Variants in CALN1 observed in about 807,000 individuals in gnomAD.
CALN1 encodes the protein calcium-binding protein 8.
CALN1 carries 17 observed loss-of-function variants against 30.6 expected under a neutral mutation model. That is an observed-to-expected ratio of 0.56 (90% CI 0.38 to 0.83). The LOEUF is 0.83. Among genes scored for constraint, CALN1 ranks in the 40% least tolerant of loss-of-function variants. The probability of loss-of-function intolerance (pLI) is 0.00; values close to 1 mark genes in which losing one functional copy is unlikely to be tolerated. For synonymous variants in CALN1, 156 were observed against 131.4 expected (o/e 1.19, Z -1.28); for missense variants, 291 against 354.9 (o/e 0.82, Z 1.45).
intron 5 of CALN1, among the ~76,000 whole-genome samples, chr7:71,943,037 C>G (rs1323746939): frequency 6.6e-6 from 1 of 152,174 alleles, no homozygotes; most frequent in Non-Finnish European, 1.5e-5. Flanking sequence ...CAATGTACTT[C>G]TTACATAAAT....
At chr7:72,382,682 T>C (rs1383962465) in intron 2 of CALN1, among the ~76,000 whole-genome samples, 1 of 152,134 alleles carries the variant, frequency 6.6e-6, no homozygotes, top group African/African-American at 2.4e-5. Flanking sequence ...TACCCAATGT[T>C]TAGCTCCCAC....
chr7:72,058,303 C>A (rs531906794), intron 4 of CALN1, among the ~76,000 whole-genome samples: 3 of 129,274 alleles, frequency 2.3e-5, no homozygotes, highest in East Asian at 2.1e-4. Context: ...CTGCAACAAG[C>A]TGGAATCTTT....
chr7:72,455,200 G>A, the CALN1 span, among the ~76,000 whole-genome samples: 1 of 151,952 alleles, frequency 6.6e-6, no homozygotes, highest in African/African-American at 2.4e-5. Context: ...TACTCTGGAG[G>A]CGGAGGCAGG....
intron 4 of CALN1, among the ~76,000 whole-genome samples, chr7:72,027,271 C>T (rs1801124614): frequency 6.6e-6 from 1 of 152,136 alleles, no homozygotes; most frequent in African/African-American, 2.4e-5. Context: ...AGGAGACGCC[C>T]CAAGTACTGT....
intron 2 of CALN1, among the ~76,000 whole-genome samples, chr7:72,381,125 C>T (rs1337911469): frequency 6.6e-6 from 1 of 152,096 alleles, no homozygotes; most frequent in Non-Finnish European, 1.5e-5. Context: ...AGAATGCAGA[C>T]GGAAAGCACA....
At chr7:72,418,421 T>C (rs781043285) in intron 1 of CALN1, among the ~76,000 whole-genome samples, 3 of 152,240 alleles carry the variant, frequency 2.0e-5, no homozygotes, top group Non-Finnish European at 4.4e-5. Context: ...AATGCTGCAA[T>C]GAACATACAA....
chr7:72,283,052 C>T (rs528225380), intron 2 of CALN1, among the ~76,000 whole-genome samples: 136 of 72,366 alleles, frequency 1.9e-3, no homozygotes, highest in South Asian at 2.8e-3. Context: ...GAGACTCCAT[C>T]TCAAAAAAAA....
chr7:71,998,846 G>A (rs1034157057), intron 5 of CALN1, among the ~76,000 whole-genome samples: 4 of 151,988 alleles, frequency 2.6e-5, no homozygotes, highest in African/African-American at 4.8e-5. Flanking sequence ...GTGAGCCACC[G>A]CACCCAAAGA....
intron 5 of CALN1, among the ~76,000 whole-genome samples, chr7:71,941,259 G>A (rs796396168): frequency 1.6e-5 from 2 of 128,184 alleles, no homozygotes; most frequent in Non-Finnish European, 3.4e-5. Context: ...CTGAGGCAGG[G>A]AGAATTGCTT....
intron 4 of CALN1, among the ~76,000 whole-genome samples, chr7:72,030,949 T>C (rs887868675): frequency 6.6e-6 from 1 of 152,148 alleles, no homozygotes; most frequent in African/African-American, 2.4e-5. Context: ...GGTCTTGCTA[T>C]GTTGCCCAGG....
intron 5 of CALN1, among the ~76,000 whole-genome samples, chr7:71,946,074 T>C (rs1182014255): frequency 1.3e-5 from 2 of 152,192 alleles, no homozygotes; most frequent in Admixed American, 6.5e-5. Flanking sequence ...GAAGCTCAAA[T>C]GCAGACTTTG....
intron 3 of CALN1, among the ~76,000 whole-genome samples, chr7:72,209,348 C>A (rs1163676569): frequency 1.3e-5 from 1 of 74,102 alleles, no homozygotes; most frequent in Non-Finnish European, 2.4e-5. Flanking sequence ...CTCTTTCCTT[C>A]CCTCCTTCCC....
At chr7:72,336,966 G>A (rs933284614) in intron 2 of CALN1, 19 of 985,086 alleles carry the variant, frequency 1.9e-5, no homozygotes, top group African/African-American at 8.7e-5. Context: ...CTCGGAGCGC[G>A]ATCTGGGCGC....
chr7:72,050,994 CAATAAATAAATAAATAAATAAATA>C (rs10601126), intron 4 of CALN1, among the ~76,000 whole-genome samples: 4 of 139,226 alleles, frequency 2.9e-5, no homozygotes, highest in Admixed American at 7.3e-5. Flanking sequence ...GACTCCACCA[CAATAAATAAATAAATAAATAAATA>C]AATAAATAAA....
At chr7:72,058,284 T>C (rs1420013053) in intron 4 of CALN1, among the ~76,000 whole-genome samples, 1 of 148,764 alleles carries the variant, frequency 6.7e-6, no homozygotes, top group African/African-American at 2.5e-5. Context: ...TGCTGGGGGT[T>C]GCTACAAGCT....
intron 2 of CALN1, among the ~76,000 whole-genome samples, chr7:72,349,123 G>C (rs960194764): frequency 6.6e-6 from 1 of 152,120 alleles, no homozygotes; most frequent in Non-Finnish European, 1.5e-5. Flanking sequence ...AGAAAAATAA[G>C]TGAGTTTGAA....
intron 1 of CALN1, among the ~76,000 whole-genome samples, chr7:72,409,595 G>A (rs766233852): frequency 6.6e-6 from 1 of 151,954 alleles, no homozygotes; most frequent in Non-Finnish European, 1.5e-5. Flanking sequence ...GTCTTTCATG[G>A]ATTTGATCCC....
the CALN1 span, among the ~76,000 whole-genome samples, chr7:72,479,110 G>T: frequency 1.3e-5 from 2 of 152,074 alleles, no homozygotes; most frequent in African/African-American, 2.4e-5. Flanking sequence ...TCGATCTCCT[G>T]ACCTCGTGAT....
chr7:72,119,704 C>T (rs551340448), intron 3 of CALN1, among the ~76,000 whole-genome samples: 215 of 152,126 alleles, frequency 1.4e-3, no homozygotes, highest in African/African-American at 4.4e-3. Context: ...TGCATGGTGG[C>T]GGCAGGCAAG....
Sources: allele counts gnomAD v4.1 joint callset (sites outside exome capture counted in the v4.1 genomes callset), GRCh38; gene constraint gnomAD v4.1.1; transcripts MANE v1.5; gene names NCBI Gene and HGNC (gene_info 2026-07-23, HGNC 2026-07-21).